CCAR1: variants seen among roughly 807,000 people sequenced by gnomAD.
CCAR1 encodes cell division cycle and apoptosis regulator 1.
CCAR1 carries 78 observed loss-of-function variants against 163.8 expected under a neutral mutation model. The observed-to-expected ratio is 0.48, with a 90% CI of 0.40 to 0.57. The LOEUF is 0.57. Ranked by LOEUF, CCAR1 falls within the 20% of genes least tolerant of loss-of-function variation. CCAR1 has a pLI of 0.00. For missense variants in CCAR1, 1,019 were observed against 1,365.2 expected, an observed-to-expected ratio of 0.75 and a Z score of 4.00; for synonymous variants, 443 against 460.7, an observed-to-expected ratio of 0.96 and a Z score of 0.49.
chr10:68,742,694 C>T (rs1305241064), intron 6 of CCAR1, 125 bp downstream of exon 6: 12 of 734,834 alleles, frequency 1.6e-5, no homozygotes, highest in Non-Finnish European at 2.6e-5. Context: ...CGACTCACTG[C>T]AGCCTCTGCC....
chr10:68,739,974 T>C (rs1306624546), intron 4 of CCAR1, among the ~76,000 whole-genome samples: 1 of 152,208 alleles, frequency 6.6e-6, no homozygotes, highest in Admixed American at 6.5e-5. Flanking sequence ...AATAGTACAC[T>C]TTGCTATTAC....
At chr10:68,777,054 T>C (rs961776924) in intron 19 of CCAR1, among the ~76,000 whole-genome samples, 1 of 152,208 alleles carries the variant, frequency 6.6e-6, no homozygotes, top group Non-Finnish European at 1.5e-5. Flanking sequence ...TTTCCAGTTG[T>C]TGAGACTAAA....
At position 68,732,760 on chromosome 10, in the gene CCAR1, C is replaced by T. The variant is rs374557056; in HGVS notation, c.74-4116C>T. On this transcript the variant is annotated intron_variant, in intron 2 of 24. Transcript: ENST00000265872. ...ATACGGTTTCAGGAAATTATCCCAC[C>T]TTTTAGAACCTATGCCCTATCCAGG... 1.1e-4 allele frequency among the ~76,000 whole-genome samples: 16 copies of T among 152,246 alleles called. No individual in the cohort carries two copies. The East Asian group carries it at 2.9e-3, about 28-fold the overall frequency.
intron 21 of CCAR1, 70 bp from the exon 22 acceptor site, chr10:68,787,857 C>T (rs1379480753): frequency 2.1e-6 from 3 of 1,426,196 alleles, no homozygotes; most frequent in East Asian, 2.3e-5. Flanking sequence ...AAAATTATAT[C>T]ATAGTTTTTC....
intron 15 of CCAR1, among the ~76,000 whole-genome samples, chr10:68,760,141 C>T (rs1003934718): frequency 2.0e-5 from 3 of 152,110 alleles, no homozygotes; most frequent in Non-Finnish European, 4.4e-5. Context: ...TGGTGTTACT[C>T]CTCTGTTGGA....
At chr10:68,773,271 A>C (rs1009075849) in intron 19 of CCAR1, among the ~76,000 whole-genome samples, 172 bp downstream of exon 19, 2 of 152,158 alleles carry the variant, frequency 1.3e-5, no homozygotes, top group Non-Finnish European at 2.9e-5. Flanking sequence ...GATTGTTTGA[A>C]GACATATTTA....
chr10:68,782,630 C>T (rs375636832), intron 19 of CCAR1, among the ~76,000 whole-genome samples: 4 of 152,250 alleles, frequency 2.6e-5, no homozygotes, highest in African/African-American at 7.2e-5. Flanking sequence ...AGGGCTAATG[C>T]AGCTTGTGAC....
chr10:68,728,083 C>T (rs528127586), intron 2 of CCAR1, among the ~76,000 whole-genome samples: 80 of 152,226 alleles, frequency 5.3e-4, no homozygotes, highest in Admixed American at 2.6e-3. Context: ...GTAATCCATC[C>T]GCCTTGGCCT....
chr10:68,731,731 C>T (rs114113714), intron 2 of CCAR1, among the ~76,000 whole-genome samples: 1 of 151,272 alleles, frequency 6.6e-6, no homozygotes, highest in African/African-American at 2.4e-5. Context: ...GCTGGGATTA[C>T]AGGCATGGGC....
At chr10:68,722,663 G>T (rs2055876279) in intron 2 of CCAR1, 86 bp downstream of exon 2, 2 of 1,017,252 alleles carry the variant, frequency 2.0e-6, no homozygotes, top group African/African-American at 3.2e-5. Context: ...GGTGGCTCAC[G>T]CCTGTTATCC....
intron 2 of CCAR1, among the ~76,000 whole-genome samples, chr10:68,734,673 A>C (rs1456077010): frequency 6.6e-6 from 1 of 152,130 alleles, no homozygotes; most frequent in Non-Finnish European, 1.5e-5. Flanking sequence ...GCAGTTACGT[A>C]AAGCGTAAAT....
chr10:68,751,855 CTGTCTCAAAA>C (rs1564538266), intron 10 of CCAR1, among the ~76,000 whole-genome samples: 3 of 150,470 alleles, frequency 2.0e-5, no homozygotes, highest in Non-Finnish European at 4.4e-5. Flanking sequence ...CAGAGGGAGA[CTGTCTCAAAA>C]AATAAAAAAC....
chr10:68,771,378 A>C lies in CCAR1; in HGVS notation c.2471A>C (p.Glu824Ala). The change falls in exon 18 of 25, where the codon GAA (glutamate) becomes GCA (alanine). Residue 824 changes from glutamate (E) to alanine (A), a missense_variant. Physicochemically the swap from Glu to Ala is moderately radical, Grantham distance 107. Coordinates refer to ENST00000265872, the MANE Select transcript of CCAR1 (RefSeq NM_018237.4). ...GAAGAAAGAGATGATGAAACTGATG[A>C]ACCAAAACCCAAACGGAGAAAATCA... Reference protein sequence around the residue: ...KKEERDDETDEPKPKRRKSGD... With the variant: ...KKEERDDETDAPKPKRRKSGD... 1 of 1,597,874 alleles carries C rather than the reference A, an allele frequency of 6.3e-7. No homozygotes were observed. Among genetic ancestry groups the C allele is most frequent in the Non-Finnish European group, 8.5e-7 (1 of 1,171,470 alleles).
chr10:68,765,832 A>G (rs540064970), intron 16 of CCAR1, 56 bp from the exon 17 acceptor site: 76 of 1,191,090 alleles, frequency 6.4e-5, no homozygotes, highest in African/African-American at 4.9e-4. Context: ...CATCTTGCAC[A>G]TGTATATACA....
chr10:68,779,157 T>G (rs987823519), intron 19 of CCAR1, among the ~76,000 whole-genome samples: 11 of 151,300 alleles, frequency 7.3e-5, no homozygotes, highest in African/African-American at 2.7e-4. Context: ...CTACACTTCT[T>G]AGAATACAAA....
At chr10:68,784,470 G>C (rs2056772891) in intron 19 of CCAR1, among the ~76,000 whole-genome samples, 1 of 151,770 alleles carries the variant, frequency 6.6e-6, no homozygotes, top group Non-Finnish European at 1.5e-5. Context: ...GCCTCGGGCT[G>C]CCAAAGTGCT....
chr10:68,785,739 A>T (rs1287524004), intron 19 of CCAR1, among the ~76,000 whole-genome samples: 1 of 152,130 alleles, frequency 6.6e-6, no homozygotes, highest in Admixed American at 6.6e-5. Context: ...AACCCAAAAG[A>T]GATTGATTAG....
chr10:68,730,889 T>G (rs1313251603), intron 2 of CCAR1, among the ~76,000 whole-genome samples: 1 of 151,784 alleles, frequency 6.6e-6, no homozygotes, highest in Admixed American at 6.6e-5. Flanking sequence ...AGCAGGGTTT[T>G]GTCTTGTTGC....
intron 19 of CCAR1, among the ~76,000 whole-genome samples, chr10:68,783,407 T>C (rs941838565): frequency 4.6e-5 from 7 of 151,766 alleles, no homozygotes; most frequent in Non-Finnish European, 1.0e-4. Flanking sequence ...TCTCCTGACC[T>C]CGTGATCTGT....
Sources: allele counts gnomAD v4.1 joint callset (sites outside exome capture counted in the v4.1 genomes callset), GRCh38; gene constraint gnomAD v4.1.1; transcripts MANE v1.5; gene names NCBI Gene and HGNC (gene_info 2026-07-23, HGNC 2026-07-21).